Variants in PRKAR2B observed in about 807,000 individuals in gnomAD.
PRKAR2B encodes protein kinase cAMP-dependent type II regulatory subunit beta.
Under a neutral mutation model 49.9 loss-of-function variants are expected in PRKAR2B, and 14 were observed. The observed-to-expected ratio is 0.28, with a 90% CI of 0.19 to 0.44. PRKAR2B has a LOEUF of 0.44. Ranked by LOEUF, PRKAR2B falls within the 20% of genes least tolerant of loss-of-function variation. The pLI is 1.00. For missense variants in PRKAR2B, 393 were observed against 537.9 expected, an observed-to-expected ratio of 0.73 and a Z score of 2.67; for synonymous variants, 196 against 197.7, an observed-to-expected ratio of 0.99 and a Z score of 0.07.
At chr7:107,134,524 C>A (rs1562867317) in intron 4 of PRKAR2B, among the ~76,000 whole-genome samples, 1 of 152,028 alleles carries the variant, frequency 6.6e-6, no homozygotes, top group Non-Finnish European at 1.5e-5. Context: ...ACAGCAGATT[C>A]CAAGTAATCA....
chr7:107,138,607 G>T (rs967375751), intron 4 of PRKAR2B, among the ~76,000 whole-genome samples: 1 of 146,976 alleles, frequency 6.8e-6, no homozygotes, highest in Non-Finnish European at 1.5e-5. Flanking sequence ...GAGTGCAGTG[G>T]TGTGATCATG....
chr7:107,044,824 G>A lies in PRKAR2B; in HGVS notation c.-84G>A, dbSNP rs1044378470. The stretch of plus-strand genomic sequence containing the variant: ...CCGGTAGCGCGCCAGCGCCGTAGGC[G>A]CTCGCTCGGCAGCCGCGGGGCCCTA... On this transcript the variant is annotated 5_prime_UTR_variant, in exon 1 of 11. Transcript: ENST00000265717. 5.7e-4 allele frequency: 655 copies of A among 1,150,628 alleles called. 2 individuals carry two copies. The highest frequency in any genetic ancestry group is 9.1e-4 in the Admixed American group (21 of 23,120). The allele number at this position is 1,150,628 out of a possible 1,614,324, so 71.3% of individuals were successfully genotyped here.
intron 4 of PRKAR2B, among the ~76,000 whole-genome samples, chr7:107,139,547 G>A (rs950181051): frequency 2.0e-5 from 3 of 152,126 alleles, no homozygotes; most frequent in Non-Finnish European, 4.4e-5. Flanking sequence ...GTCCCATGCT[G>A]GCAGAACCAG....
chr7:107,143,398 T>C (rs1481912916), intron 5 of PRKAR2B, among the ~76,000 whole-genome samples: 1 of 152,230 alleles, frequency 6.6e-6, no homozygotes, highest in Non-Finnish European at 1.5e-5. Context: ...AAGGGGTTAG[T>C]GTACGAGGTA....
Position 107,150,968 on chromosome 7 carries a change from A to G in PRKAR2B, c.788A>G (p.Lys263Arg). The G allele has an allele frequency of 1.2e-6, 2 of 1,601,544 alleles. No homozygotes were observed. Among genetic ancestry groups the G allele is most frequent in the Non-Finnish European group, 8.5e-7 (1 of 1,175,000 alleles). ...ATAATTGTGAAAAACAATGCCAAAA[A>G]GAGAAAAATGTATGAAAGCTTTATT... ...RRIIVKNNAK[K>R]RKMYESFIES... The change falls in exon 7 of 11, where the codon AAG becomes AGG. Residue 263 changes from lysine to arginine, a missense_variant. By Grantham distance (26) the Lys-to-Arg change is conservative. Around this residue, in one of 2 missense-constraint regions of PRKAR2B, gnomAD observed 233 missense variants for 390.4 expected, o/e 0.60. Transcript: ENST00000265717.
At chr7:107,092,551 A>G (rs1302803192) in intron 2 of PRKAR2B, among the ~76,000 whole-genome samples, 1 of 152,104 alleles carries the variant, frequency 6.6e-6, no homozygotes, top group African/African-American at 2.4e-5. Flanking sequence ...TGTATATTAT[A>G]TATGTTATAA....
intron 4 of PRKAR2B, among the ~76,000 whole-genome samples, chr7:107,130,520 A>G (rs1042317876): frequency 1.3e-5 from 2 of 152,070 alleles, no homozygotes; most frequent in Admixed American, 1.3e-4. Context: ...AAATAAAAAT[A>G]AAATAAAAAA....
chr7:107,078,896 G>A (rs1040743948), intron 2 of PRKAR2B, among the ~76,000 whole-genome samples: 1 of 152,214 alleles, frequency 6.6e-6, no homozygotes, highest in African/African-American at 2.4e-5. Context: ...TCAGGTTGGG[G>A]CATGGTGGGA....
At chr7:107,084,876 C>T (rs952602260) in intron 2 of PRKAR2B, among the ~76,000 whole-genome samples, 1 of 151,922 alleles carries the variant, frequency 6.6e-6, no homozygotes, top group Admixed American at 6.6e-5. Flanking sequence ...CCACCCGCCT[C>T]GGCCTCCCAA....
chr7:107,092,152 G>A (rs542741799), intron 2 of PRKAR2B, among the ~76,000 whole-genome samples: 19 of 152,174 alleles, frequency 1.2e-4, no homozygotes, highest in African/African-American at 4.1e-4. Flanking sequence ...CTAAATATAG[G>A]TTTGGATCAG....
chr7:107,045,344 C>T, intron 1 of PRKAR2B, 130 bp downstream of exon 1: 1 of 754,762 alleles, frequency 1.3e-6, no homozygotes, highest in Non-Finnish European at 2.0e-6. Context: ...TCCCTACCTT[C>T]CCATCTCGCC....
intron 1 of PRKAR2B, chr7:107,069,577 A>G (rs982871453): frequency 1.3e-5 from 2 of 152,180 alleles, no homozygotes; most frequent in Non-Finnish European, 2.9e-5. Flanking sequence ...TGAGATAACG[A>G]TGTCATCAAA....
intron 2 of PRKAR2B, among the ~76,000 whole-genome samples, chr7:107,105,204 G>A (rs1272326953): frequency 6.6e-6 from 1 of 152,170 alleles, no homozygotes; most frequent in Non-Finnish European, 1.5e-5. Flanking sequence ...TGAAACAGAG[G>A]ACTACTTGAG....
At chr7:107,075,486 A>G (rs1292363067) in intron 2 of PRKAR2B, among the ~76,000 whole-genome samples, 1 of 151,002 alleles carries the variant, frequency 6.6e-6, no homozygotes, top group Non-Finnish European at 1.5e-5. Flanking sequence ...TGCAGCCTCC[A>G]CCTTCCAGGT....
At chr7:107,126,976 T>C (rs1470372285) in intron 3 of PRKAR2B, among the ~76,000 whole-genome samples, 5 of 152,210 alleles carry the variant, frequency 3.3e-5, no homozygotes, top group Non-Finnish European at 7.4e-5. Flanking sequence ...TTCTTTCATG[T>C]AGTCTTTACA....
intron 1 of PRKAR2B, among the ~76,000 whole-genome samples, chr7:107,056,073 A>C (rs187977425): frequency 0.019 from 2,939 of 152,316 alleles, 83 homozygotes; most frequent in African/African-American, 0.067. Flanking sequence ...TAAATAGGGA[A>C]TCCTTTCCCC....
At position 107,159,742 on chromosome 7, in the gene PRKAR2B, C is replaced by A; in HGVS notation, c.*160C>A. ...CAATAAACAGTAGTGATTTAATAGT[C>A]AATAGGCTTTAACATCACTTTCTAA... On this transcript the variant is annotated 3_prime_UTR_variant, in exon 11 of 11. Coordinates refer to ENST00000265717, the MANE Select transcript of PRKAR2B (RefSeq NM_002736.3). 1 of 627,116 alleles carries A rather than the reference C, an allele frequency of 1.6e-6. No homozygotes were observed. The highest frequency in any genetic ancestry group is 2.6e-6 in the Non-Finnish European group (1 of 391,034). The allele number at this position is 627,116 out of a possible 1,614,324, so 38.8% of individuals were successfully genotyped here.
At chr7:107,112,580 T>C (rs1360838144) in intron 2 of PRKAR2B, among the ~76,000 whole-genome samples, 1 of 152,050 alleles carries the variant, frequency 6.6e-6, no homozygotes, top group Admixed American at 6.6e-5. Flanking sequence ...CTTATTTTTA[T>C]TTTTTTAAAG....
At chr7:107,118,917 A>C (rs1330525274) in intron 2 of PRKAR2B, among the ~76,000 whole-genome samples, 1 of 152,204 alleles carries the variant, frequency 6.6e-6, no homozygotes, top group East Asian at 1.9e-4. Context: ...ATGTAGTGAA[A>C]CAATTGCAAC....
Sources: gnomAD v4.1 joint callset for allele counts (sites outside exome capture counted in the v4.1 genomes callset) on GRCh38, gnomAD v4.1.1 for gene constraint, gnomAD v4.1.1 regional missense constraint, MANE v1.5 for transcripts, NCBI Gene and HGNC (gene_info 2026-07-23, HGNC 2026-07-21) for gene names.